The following DPYD variants were observed in gnomAD, a reference collection of about 807,000 sequenced individuals.
DPYD encodes the protein dihydropyrimidine dehydrogenase.
In DPYD, 109 loss-of-function variants were observed where a neutral mutation model predicts 116.2. That is an observed-to-expected ratio of 0.94 (90% CI 0.80 to 1.10). DPYD has a LOEUF of 1.10. Among genes scored for constraint, DPYD ranks in the 50% least tolerant of loss-of-function variants. The pLI is 0.00. For missense variants in DPYD, 1,302 were observed against 1,254.5 expected, an observed-to-expected ratio of 1.04 and a Z score of -0.57; for synonymous variants, 440 against 432.0, an observed-to-expected ratio of 1.02 and a Z score of -0.23.
At chr1:97,703,485 T>G (rs1359871747) in intron 5 of DPYD, among the ~76,000 whole-genome samples, 1 of 152,028 alleles carries the variant, frequency 6.6e-6, no homozygotes, top group Non-Finnish European at 1.5e-5. Context: ...CCTGCCCATA[T>G]AGCAAATGTT....
chr1:97,560,791 T>C (rs1166198801), intron 11 of DPYD, among the ~76,000 whole-genome samples: 1 of 151,994 alleles, frequency 6.6e-6, no homozygotes, highest in African/African-American at 2.4e-5. Flanking sequence ...GCAGAAGGGG[T>C]GCTTTAGATC....
rs564448146 is a variant in DPYD, at chr1:97,872,683, T to C, written c.150+10581A>G. On this transcript the variant is annotated intron_variant, in intron 2 of 22. Transcript: ENST00000370192. Reference sequence around the variant, plus strand: ...TATATCAAAACTCTAAATTACAGCATATCACAAACAAAGAATGTGCCTTTT... The same window carrying C: ...TATATCAAAACTCTAAATTACAGCACATCACAAACAAAGAATGTGCCTTTT... 2.6e-5 allele frequency among the ~76,000 whole-genome samples: 4 copies of C among 152,086 alleles called. No homozygotes were observed. The South Asian group carries it at 6.2e-4, about 24-fold the overall frequency.
At chr1:97,641,614 C>A (rs912392408) in intron 8 of DPYD, among the ~76,000 whole-genome samples, 1 of 152,092 alleles carries the variant, frequency 6.6e-6, no homozygotes, top group African/African-American at 2.4e-5. Context: ...ATAATAAGAG[C>A]AGTTTATGAT....
At chr1:97,813,263 A>T (rs2101400051) in intron 3 of DPYD, among the ~76,000 whole-genome samples, 1 of 152,274 alleles carries the variant, frequency 6.6e-6, no homozygotes, top group Middle Eastern at 3.4e-3. Context: ...TTCCCCAAAC[A>T]GCTTTTTCAT....
rs1668433254 is a variant in DPYD, at chr1:97,323,298, A to ATATGTACACGTATATATACATATGTGTC, written c.2059-17002_2059-17001insGACACATATGTATATATACGTGTACATA. Among the ~76,000 whole-genome samples the ATATGTACACGTATATATACATATGTGTC allele has an allele frequency of 5.4e-5, 8 of 148,772 alleles. 1 individual carries two copies. The Admixed American group carries it at 5.4e-4, about 10-fold the overall frequency. On this transcript the variant is annotated intron_variant, in intron 16 of 22. Coordinates refer to ENST00000370192, the MANE Select transcript of DPYD (RefSeq NM_000110.4). ...TGTACACGTATATATACATATGTGT[A>ATATGTACACGTATATATACATATGTGTC]TATGTACACGTATATATACATATGT... is the stretch of plus-strand genomic sequence containing the variant.
At chr1:97,205,031 A>G (rs367669468) in intron 19 of DPYD, among the ~76,000 whole-genome samples, 21 of 152,168 alleles carry the variant, frequency 1.4e-4, no homozygotes, top group Middle Eastern at 3.4e-3. Context: ...AGATTTACAG[A>G]ATAATTGGGC....
Position 97,522,243 on chromosome 1 carries a change from T to C in DPYD, c.1525-6302A>G, listed in dbSNP as rs148944683. ...ACAAACAACCCCATCAAAAAGTAGA[T>C]GAAGGGTATGAACAGACACTTCTCA... On this transcript the variant is annotated intron_variant, in intron 12 of 22. Transcript: ENST00000370192. Among the ~76,000 whole-genome samples, 649 of 152,178 alleles carry C rather than the reference T, an allele frequency of 4.3e-3. 4 individuals are homozygous for C. The highest frequency in any genetic ancestry group is 0.015 in the African/African-American group (621 of 41,516).
intron 19 of DPYD, among the ~76,000 whole-genome samples, chr1:97,227,322 A>T (rs999427856): frequency 3.7e-5 from 4 of 109,092 alleles, no homozygotes; most frequent in Admixed American, 2.1e-4. Context: ...ACAGAGTGAG[A>T]CTCTATCTCA....
intron 11 of DPYD, among the ~76,000 whole-genome samples, chr1:97,558,161 T>C (rs912046880): frequency 9.2e-5 from 14 of 152,104 alleles, no homozygotes; most frequent in African/African-American, 3.1e-4. Flanking sequence ...CAATGAAACC[T>C]TTTTCCCCCC....
intron 12 of DPYD, among the ~76,000 whole-genome samples, chr1:97,517,577 C>T (rs1313699346): frequency 6.6e-6 from 1 of 152,058 alleles, no homozygotes; most frequent in African/African-American, 2.4e-5. Flanking sequence ...GGAATAATTT[C>T]AGAATTTTTC....
chr1:97,430,485 T>C (rs1478798143), intron 14 of DPYD, among the ~76,000 whole-genome samples: 1 of 152,138 alleles, frequency 6.6e-6, no homozygotes, highest in Non-Finnish European at 1.5e-5. Context: ...AAGACTGATT[T>C]TTATAGATTA....
intron 12 of DPYD, among the ~76,000 whole-genome samples, chr1:97,520,804 C>T (rs1435768019): frequency 6.6e-6 from 1 of 152,126 alleles, no homozygotes; most frequent in Non-Finnish European, 1.5e-5. Flanking sequence ...AGCACATGAA[C>T]TAATCCCTTT....
At chr1:97,549,237 T>A (rs1651133918) in intron 12 of DPYD, among the ~76,000 whole-genome samples, 2 of 152,072 alleles carry the variant, frequency 1.3e-5, no homozygotes, top group African/African-American at 4.8e-5. Flanking sequence ...CATCTAATTT[T>A]TTATTTTTTG....
chr1:97,141,143 T>C (rs182796509), intron 20 of DPYD, among the ~76,000 whole-genome samples: 24 of 152,238 alleles, frequency 1.6e-4, no homozygotes, highest in Non-Finnish European at 1.5e-5. Flanking sequence ...TCATGTAGGA[T>C]TGTGCTTGCA....
At chr1:97,834,785 T>C (rs1174602230) in intron 2 of DPYD, among the ~76,000 whole-genome samples, 1 of 151,888 alleles carries the variant, frequency 6.6e-6, no homozygotes. Context: ...ATGAGTCAAT[T>C]AGGTGAACTT....
At chr1:97,083,892 T>A (rs927729085) in intron 21 of DPYD, among the ~76,000 whole-genome samples, 1 of 152,192 alleles carries the variant, frequency 6.6e-6, no homozygotes, top group Non-Finnish European at 1.5e-5. Context: ...ATCTCCTATC[T>A]GTTGCCAAGT....
At chr1:97,197,241 CA>C (rs1271423905) in intron 19 of DPYD, among the ~76,000 whole-genome samples, 5 of 152,046 alleles carry the variant, frequency 3.3e-5, no homozygotes, top group Admixed American at 6.6e-5. Context: ...TTTCTCACAA[CA>C]ATTATAAGGA....
At chr1:97,822,629 T>C (rs914889182) in intron 3 of DPYD, among the ~76,000 whole-genome samples, 1 of 152,054 alleles carries the variant, frequency 6.6e-6, no homozygotes, top group Non-Finnish European at 1.5e-5. Flanking sequence ...AGTCTCTTAA[T>C]ACTTAGTGAC....
At chr1:97,171,594 C>T (rs1322577722) in intron 20 of DPYD, among the ~76,000 whole-genome samples, 2 of 152,184 alleles carry the variant, frequency 1.3e-5, no homozygotes, top group African/African-American at 4.8e-5. Context: ...TTCCTAATCC[C>T]TCCAAGCCTT....
Sources: gnomAD v4.1 joint callset for allele counts (sites outside exome capture counted in the v4.1 genomes callset) on GRCh38, gnomAD v4.1.1 for gene constraint, MANE v1.5 for transcripts, NCBI Gene and HGNC (gene_info 2026-07-23, HGNC 2026-07-21) for gene names.